Variants in AOPEP observed in about 807,000 individuals in gnomAD.
AOPEP encodes aminopeptidase O (putative).
A neutral mutation model predicts 98.1 loss-of-function variants in AOPEP; 77 were observed. The observed-to-expected ratio is 0.78, with a 90% CI of 0.65 to 0.95. The LOEUF (loss-of-function observed/expected upper bound fraction) is 0.95. Ranked by LOEUF, AOPEP falls within the 40% of genes least tolerant of loss-of-function variation. The probability of loss-of-function intolerance (pLI) is 0.00; values close to 1 mark genes in which losing one functional copy is unlikely to be tolerated. For missense variants in AOPEP, 1,024 were observed against 1,024.7 expected (o/e 1.00, Z 0.01); for synonymous variants, 346 against 365.3 (o/e 0.95, Z 0.60).
At chr9:95,146,951 T>G in the AOPEP span, among the ~76,000 whole-genome samples, 4 of 151,706 alleles carry the variant, frequency 2.6e-5, no homozygotes, top group African/African-American at 9.7e-5. Context: ...TAATATATAT[T>G]TTTTAATTTT....
intron 5 of AOPEP, among the ~76,000 whole-genome samples, chr9:94,831,259 AT>A (rs1855904121): frequency 6.6e-6 from 1 of 152,052 alleles, no homozygotes; most frequent in Non-Finnish European, 1.5e-5. Flanking sequence ...TCCAGTTTCA[AT>A]TTTCTGCATA....
intron 7 of AOPEP, chr9:94,933,692 A>G (rs1487508764): frequency 1.0e-6 from 1 of 983,240 alleles, no homozygotes; most frequent in African/African-American, 1.7e-5. Flanking sequence ...AATTTGTATG[A>G]TGCCTACTGT....
chr9:94,794,061 G>C (rs1554717507), intron 4 of AOPEP, among the ~76,000 whole-genome samples: 1 of 152,164 alleles, frequency 6.6e-6, no homozygotes, highest in Non-Finnish European at 1.5e-5. Context: ...TTGGGTTAAG[G>C]GAATCCTGCT....
chr9:94,870,532 T>A (rs10739988), intron 5 of AOPEP, among the ~76,000 whole-genome samples: 135,592 of 152,174 alleles, frequency 0.89, 61,143 homozygotes, highest in East Asian at 0.96. Flanking sequence ...AGGTCCCAGA[T>A]TTGGTGATGG....
At chr9:94,738,719 G>T (rs1185719120) in intron 1 of AOPEP, among the ~76,000 whole-genome samples, 1 of 152,004 alleles carries the variant, frequency 6.6e-6, no homozygotes, top group African/African-American at 2.4e-5. Context: ...GACTACAGGC[G>T]CCCGCCACCA....
chr9:95,028,202 A>G (rs1372825697), intron 13 of AOPEP, among the ~76,000 whole-genome samples: 1 of 152,220 alleles, frequency 6.6e-6, no homozygotes, highest in African/African-American at 2.4e-5. Context: ...TGAATAAACA[A>G]CCTCAACTGA....
rs1564446135 is a variant in AOPEP at position 94,957,748 on chromosome 9, TTC to T, written c.1872+1735_1872+1736del. Among the ~76,000 whole-genome samples, 16 of 152,294 alleles carry T rather than the reference TTC, an allele frequency of 1.1e-4. No individual in the cohort carries two copies. In the South Asian group the frequency reaches 3.3e-3, roughly 32 times the overall value. On this transcript the variant is annotated intron_variant, in intron 9 of 16. Transcript: ENST00000375315. ...AGCCCTACATAACCACTAATCCGCTTTCTGTCTCTATGGATTTGCCTTTTCTG... is the reference window on the plus strand; with the variant it reads ...AGCCCTACATAACCACTAATCCGCTTTGTCTCTATGGATTTGCCTTTTCTG...
intron 7 of AOPEP, among the ~76,000 whole-genome samples, chr9:94,954,381 C>T (rs1255858537): frequency 6.6e-6 from 1 of 152,162 alleles, no homozygotes; most frequent in East Asian, 1.9e-4. Flanking sequence ...CTTTTGGCTT[C>T]CCTGGGCCAC....
intron 12 of AOPEP, 64 bp from the exon 13 acceptor site, chr9:95,005,478 C>A: frequency 6.8e-7 from 1 of 1,470,922 alleles, no homozygotes. Context: ...TGCTTTCTCG[C>A]GCTGGGGGAT....
At chr9:94,983,581 T>C (rs1045092394) in intron 11 of AOPEP, among the ~76,000 whole-genome samples, 3 of 152,198 alleles carry the variant, frequency 2.0e-5, no homozygotes, top group East Asian at 1.9e-4. Context: ...TTTTCCCCCA[T>C]GGACAATGGA....
chr9:94,865,595 T>A (rs2045617463), intron 5 of AOPEP, among the ~76,000 whole-genome samples: 1 of 152,250 alleles, frequency 6.6e-6, no homozygotes. Flanking sequence ...TTGGTAACAT[T>A]ACTTGGCATT....
intron 4 of AOPEP, among the ~76,000 whole-genome samples, chr9:94,794,047 GC>G (rs1445075967): frequency 1.3e-5 from 2 of 152,238 alleles, no homozygotes; most frequent in Non-Finnish European, 2.9e-5. Flanking sequence ...CTGATGCAAA[GC>G]CCTTGGGTTA....
chr9:94,978,545 A>T (rs2059987688), intron 10 of AOPEP, among the ~76,000 whole-genome samples: 1 of 152,138 alleles, frequency 6.6e-6, no homozygotes, highest in South Asian at 2.1e-4. Context: ...GACAGATGTT[A>T]TGGCACTGGG....
chr9:94,964,375 C>G (rs1363017388), intron 9 of AOPEP, among the ~76,000 whole-genome samples: 1 of 152,164 alleles, frequency 6.6e-6, no homozygotes, highest in Non-Finnish European at 1.5e-5. Context: ...ACTCAACACC[C>G]AATTCTGGAT....
intron 5 of AOPEP, among the ~76,000 whole-genome samples, chr9:94,803,138 A>G (rs1588293154): frequency 6.6e-6 from 1 of 152,174 alleles, no homozygotes; most frequent in East Asian, 1.9e-4. Flanking sequence ...GGCTAGGAGG[A>G]GTCATCCAAA....
chr9:95,095,683 G>C, the AOPEP span, among the ~76,000 whole-genome samples: 2 of 152,158 alleles, frequency 1.3e-5, no homozygotes, highest in East Asian at 1.9e-4. Context: ...TGCGTGGGGG[G>C]TCCCCACGGC....
At chr9:94,760,780 A>T (rs1183702443) in intron 2 of AOPEP, 200 bp downstream of exon 2, 3 of 430,588 alleles carry the variant, frequency 7.0e-6, no homozygotes, top group African/African-American at 6.1e-5. Flanking sequence ...AGCTCCCTTA[A>T]GTCAGGATGA....
chr9:94,900,672 A>G (rs1178396935), intron 5 of AOPEP: 1 of 152,226 alleles, frequency 6.6e-6, no homozygotes, highest in Non-Finnish European at 1.5e-5. Context: ...TCCGATATGA[A>G]TAATTCTTTG....
the AOPEP span, among the ~76,000 whole-genome samples, chr9:95,115,044 G>A: frequency 2.0e-5 from 3 of 152,168 alleles, no homozygotes; most frequent in Non-Finnish European, 2.9e-5. Flanking sequence ...GGGCTCAAGC[G>A]ATCTTCCTAC....
Sources: allele counts gnomAD v4.1 joint callset (sites outside exome capture counted in the v4.1 genomes callset), GRCh38; gene constraint gnomAD v4.1.1; transcripts MANE v1.5; gene names NCBI Gene and HGNC (gene_info 2026-07-23, HGNC 2026-07-21).